POLE: variants seen among roughly 807,000 people sequenced by gnomAD.
POLE encodes the protein DNA polymerase epsilon catalytic subunit A.
A neutral mutation model predicts 279.2 loss-of-function variants in POLE; 188 were observed. The ratio of observed to expected loss-of-function variants is 0.67; its 90% CI spans 0.60 to 0.76. The LOEUF is 0.76. POLE is among the 30% of genes least tolerant of loss of function. POLE has a pLI of 0.00. For synonymous variants in POLE, 1,214 were observed against 1,172.5 expected (o/e 1.04, Z -0.72); for missense variants, 2,703 against 3,016.7 (o/e 0.90, Z 2.44).
At chr12:132,630,375 G>A (rs1009023267) in intron 45 of POLE, among the ~76,000 whole-genome samples, 1 of 152,158 alleles carries the variant, frequency 6.6e-6, no homozygotes, top group African/African-American at 2.4e-5. Flanking sequence ...CATGCACATT[G>A]TATAAAAATT....
At chr12:132,637,423 C>T (rs2042055817) in intron 41 of POLE, among the ~76,000 whole-genome samples, 1 of 152,236 alleles carries the variant, frequency 6.6e-6, no homozygotes, top group African/African-American at 2.4e-5. Context: ...GAGCTTCCTA[C>T]TATCAGTTGA....
At chr12:132,656,378 T>TG (rs1374834105) in intron 29 of POLE, among the ~76,000 whole-genome samples, 3 of 151,722 alleles carry the variant, frequency 2.0e-5, no homozygotes, top group Non-Finnish European at 4.4e-5. Flanking sequence ...TTTTTTTTTT[T>TG]GAGACGGAGT....
chr12:132,632,222 C>T, intron 45 of POLE, 93 bp downstream of exon 45: 1 of 948,358 alleles, frequency 1.1e-6, no homozygotes, highest in South Asian at 1.5e-5. Flanking sequence ...GTTCATGGTG[C>T]ACGCATTACA....
intron 32 of POLE, chr12:132,648,717 A>G (rs2138593322): frequency 2.0e-6 from 1 of 509,944 alleles, no homozygotes; most frequent in Non-Finnish European, 3.4e-6. Context: ...CGGGCAGACA[A>G]GCTCATCGTG....
At position 132,632,653 on chromosome 12, in the gene POLE, A is replaced by T; in HGVS notation, c.6136+11T>A. 1.2e-6 allele frequency: 2 copies of T among 1,613,904 alleles called. No individual in the cohort carries two copies. Among genetic ancestry groups the T allele is most frequent in the Non-Finnish European group, 1.7e-6 (2 of 1,179,982 alleles). On this transcript the variant is annotated intron_variant, in intron 44 of 48. Coordinates refer to ENST00000320574, the MANE Select transcript of POLE (RefSeq NM_006231.4). ...CATGGCAGTGGCCTCAAAAGACAAA[A>T]GACTGCTCACCGGGAAGGGCTCCGA...
intron 1 of POLE, among the ~76,000 whole-genome samples, chr12:132,682,473 A>T (rs2043191216): frequency 6.6e-6 from 1 of 151,264 alleles, no homozygotes; most frequent in Admixed American, 6.6e-5. Context: ...GACAAGAGTG[A>T]AACTTCGTCT....
chr12:132,625,854 CTG>C, intron 46 of POLE, 84 bp from the exon 47 acceptor site: 1 of 1,534,808 alleles, frequency 6.5e-7, no homozygotes, highest in Non-Finnish European at 8.8e-7. Context: ...GAGGAAGGGG[CTG>C]TGAGAAGCGC....
rs1340414570 is a variant in POLE, at chr12:132,679,610, C to T, written c.465G>A (p.Leu155=). 4.3e-6 allele frequency: 7 copies of T among 1,613,326 alleles called. No individual in the cohort carries two copies. In the Admixed American group the frequency reaches 1.2e-4, roughly 27 times the overall value. Reference sequence around the variant, plus strand: ...CAAGATCCTCCACAGTGTGGAAGGACAGCCTGATGTAATTTCGCTTCAAAC... The same window carrying T: ...CAAGATCCTCCACAGTGTGGAAGGATAGCCTGATGTAATTTCGCTTCAAAC... ...LVGLKRNYIR[L]SFHTVEDLVK... is the part of the protein sequence containing the mutation. Residue 155 remains leucine (L), a synonymous_variant, in exon 6 of 49, where the codon CTG becomes CTA. Coordinates refer to ENST00000320574, the MANE Select transcript of POLE (RefSeq NM_006231.4).
At chr12:132,686,882 C>A (rs1468372805) in intron 1 of POLE, among the ~76,000 whole-genome samples, 1 of 151,836 alleles carries the variant, frequency 6.6e-6, no homozygotes, top group Non-Finnish European at 1.5e-5. Flanking sequence ...CTCCCCGCAC[C>A]CTCCCCAGCC....
At chr12:132,660,812 AG>A in intron 25 of POLE, 156 bp downstream of exon 25, 1 of 496,872 alleles carries the variant, frequency 2.0e-6, no homozygotes, top group Non-Finnish European at 3.5e-6. Flanking sequence ...GGGAACTCCA[AG>A]GGGGTAATTG....
chr12:132,639,354 C>T lies in POLE; in HGVS notation c.5379-56G>A, dbSNP rs1268169978. On this transcript the variant is annotated intron_variant, in intron 39 of 48. Coordinates refer to ENST00000320574, the MANE Select transcript of POLE (RefSeq NM_006231.4). The surrounding 1 kb of genome is among the most constrained non-coding windows in gnomAD (Gnocchi z 4.7). ...CCCTCAGCCTCCCACGCTGCTGCCACGCGGGACGCTCCAACTGAAATGGGC... is the reference window on the plus strand; with the variant it reads ...CCCTCAGCCTCCCACGCTGCTGCCATGCGGGACGCTCCAACTGAAATGGGC... The T allele has an allele frequency of 1.2e-5, 18 of 1,550,494 alleles. No individual in the cohort carries two copies. The highest frequency in any genetic ancestry group is 9.5e-5 in the African/African-American group (7 of 73,748).
chr12:132,660,892 C>A (rs1191227750), intron 25 of POLE, 77 bp downstream of exon 25: 2 of 1,234,958 alleles, frequency 1.6e-6, no homozygotes, highest in Non-Finnish European at 2.2e-6. Context: ...TCTCCAGGAG[C>A]CCAGGAAGCA....
At chr12:132,645,377 T>A (rs1016807030) in intron 32 of POLE, among the ~76,000 whole-genome samples, 7 of 147,734 alleles carry the variant, frequency 4.7e-5, no homozygotes, top group Non-Finnish European at 7.5e-5. Context: ...GGGGGCACCC[T>A]AGCTTCGTGT....
intron 32 of POLE, among the ~76,000 whole-genome samples, chr12:132,646,990 C>T (rs1370466668): frequency 1.3e-5 from 2 of 152,052 alleles, no homozygotes; most frequent in East Asian, 1.9e-4. Flanking sequence ...TGCAGCACTG[C>T]GCCTGGCCAA....
intron 43 of POLE, 180 bp from the exon 44 acceptor site, chr12:132,632,975 T>C (rs943929674): frequency 2.4e-5 from 15 of 633,822 alleles, no homozygotes; most frequent in Non-Finnish European, 4.0e-5. Flanking sequence ...GAAGTGGAAA[T>C]GAGAAGGAAC....
chr12:132,641,512 A>T, intron 39 of POLE, 135 bp downstream of exon 39: 1 of 735,626 alleles, frequency 1.4e-6, no homozygotes, highest in South Asian at 1.8e-5. Flanking sequence ...AAAACTCGCC[A>T]CACAGTGGTC....
At chr12:132,660,889 G>C in intron 25 of POLE, 80 bp downstream of exon 25, 2 of 1,200,894 alleles carry the variant, frequency 1.7e-6, no homozygotes. Context: ...TGGTCTCCAG[G>C]AGCCCAGGAA....
At chr12:132,659,539 A>C (rs1360990715) in intron 25 of POLE, 30 bp from the exon 26 acceptor site, 1 of 1,587,960 alleles carries the variant, frequency 6.3e-7, no homozygotes, top group South Asian at 1.1e-5. Context: ...AAAACACTGC[A>C]GAAATCAAGG....
At chr12:132,631,654 C>T (rs1015521905) in intron 45 of POLE, among the ~76,000 whole-genome samples, 8 of 152,056 alleles carry the variant, frequency 5.3e-5, no homozygotes, top group African/African-American at 1.9e-4. Flanking sequence ...TAATATTATC[C>T]CTCCTTGGAC....
Sources: gnomAD v4.1 joint callset for allele counts (sites outside exome capture counted in the v4.1 genomes callset) on GRCh38, gnomAD v4.1.1 for gene constraint, Gnocchi (gnomAD v3.1) non-coding constraint, MANE v1.5 for transcripts, NCBI Gene and HGNC (gene_info 2026-07-23, HGNC 2026-07-21) for gene names.